FKBP15: variants seen among roughly 807,000 people sequenced by gnomAD.
The protein encoded by FKBP15 is FKBP prolyl isomerase family member 15.
FKBP15 carries 106 observed loss-of-function variants against 158.1 expected under a neutral mutation model. The observed-to-expected ratio is 0.67, with a 90% CI of 0.57 to 0.79. The LOEUF is 0.79. FKBP15 is among the 30% of genes least tolerant of loss of function. The probability of loss-of-function intolerance (pLI) is 0.00; values close to 1 mark genes in which losing one functional copy is unlikely to be tolerated. For missense variants in FKBP15, 1,287 were observed against 1,479.1 expected, an observed-to-expected ratio of 0.87 and a Z score of 2.13; for synonymous variants, 547 against 548.6, an observed-to-expected ratio of 1.00 and a Z score of 0.04.
chr9:113,198,642 C>G lies in FKBP15; in HGVS notation c.717+213G>C, dbSNP rs1830730975. Among the ~76,000 whole-genome samples, 4 of 152,146 alleles carry G rather than the reference C, an allele frequency of 2.6e-5. No homozygotes were observed. The highest frequency in any genetic ancestry group is 2.6e-4 in the Admixed American group (4 of 15,272). On this transcript the variant is annotated intron_variant, in intron 8 of 27. Coordinates refer to ENST00000238256, the MANE Select transcript of FKBP15 (RefSeq NM_015258.2). The surrounding 1 kb of genome is among the most constrained non-coding windows in gnomAD (Gnocchi z 5.2). The stretch of plus-strand genomic sequence containing the variant: ...TGGCGCATGCCTGTAATCCCAGCTA[C>G]TAGGGAGGCTGAGGCAGGAGAATCG...
intron 24 of FKBP15, 72 bp downstream of exon 24, chr9:113,171,509 C>T: frequency 6.5e-7 from 1 of 1,531,916 alleles, no homozygotes; most frequent in Non-Finnish European, 8.8e-7. Flanking sequence ...GCTATTAACA[C>T]AACATACTGG....
Position 113,169,466 on chromosome 9 carries a change from C to G in FKBP15, c.3243G>C (p.Arg1081Ser), listed in dbSNP as rs148550803. The G allele has an allele frequency of 2.8e-3, 4,454 of 1,614,068 alleles. 87 individuals are homozygous for G. Among genetic ancestry groups the G allele is most frequent in the Non-Finnish European group, 8.4e-4 (990 of 1,179,916 alleles). The change falls in exon 26 of 28, where the codon AGG (arginine) becomes AGC (serine). Residue 1081 changes from arginine (R) to serine (S), a missense_variant. Arg to Ser is a moderately radical substitution (Grantham distance 110, BLOSUM62 -1). Transcript: ENST00000238256. Reference protein sequence around the residue: ...PDNPSGKVCVREVAPDGPLQE... With the variant: ...PDNPSGKVCVSEVAPDGPLQE... ...GTAGTGGGCCATCTGGTGCTACTTC[C>G]CTGACACAGACCTTTCCTGATGGGT...
intron 1 of FKBP15, among the ~76,000 whole-genome samples, chr9:113,218,819 G>T (rs542584521): frequency 6.6e-6 from 1 of 152,082 alleles, no homozygotes; most frequent in African/African-American, 2.4e-5. Flanking sequence ...TTGAATCTAG[G>T]CTTTTTCCTA....
At chr9:113,193,909 C>T (rs1397148452) in intron 10 of FKBP15, 118 bp downstream of exon 10, 33 of 1,223,992 alleles carry the variant, frequency 2.7e-5, no homozygotes, top group Non-Finnish European at 3.3e-5. Flanking sequence ...TTCCCTGATC[C>T]CATTTTTTCC....
chr9:113,184,843 G>C lies in FKBP15; in HGVS notation c.1499-39C>G, dbSNP rs766794226. ...AGCCAAAAAGAAACTTATGAAACTG[G>C]AGCAGAGGAAACTGTATGAAGAAAA... On this transcript the variant is annotated intron_variant, in intron 15 of 27. Transcript: ENST00000238256. This position sits in a 1 kb window ranked among gnomAD's most constrained non-coding sequence, Gnocchi z 4.5. 17 of 1,485,578 alleles carry C rather than the reference G, an allele frequency of 1.1e-5. No homozygotes were observed. The East Asian group carries it at 1.7e-4, about 15-fold the overall frequency. 92.0% of individuals were successfully genotyped at this position (1,485,578 alleles called of 1,614,324 possible).
intron 21 of FKBP15, among the ~76,000 whole-genome samples, chr9:113,175,267 A>G (rs1347208963): frequency 6.6e-6 from 1 of 152,230 alleles, no homozygotes; most frequent in Admixed American, 6.5e-5. Context: ...TAAGGATTCA[A>G]TAAGTCATAG....
At chr9:113,217,102 C>T (rs541925904) in intron 1 of FKBP15, among the ~76,000 whole-genome samples, 2 of 151,468 alleles carry the variant, frequency 1.3e-5, no homozygotes, top group African/African-American at 4.8e-5. Context: ...TGGGGTTTCA[C>T]CACATTGGCC....
chr9:113,179,033 A>T (rs1045598019), intron 19 of FKBP15, among the ~76,000 whole-genome samples: 5 of 149,624 alleles, frequency 3.3e-5, no homozygotes, highest in South Asian at 2.1e-4. Flanking sequence ...GTATACTTAA[A>T]ATTTTTTTTT....
intron 1 of FKBP15, among the ~76,000 whole-genome samples, chr9:113,219,139 AAAAC>A (rs1831201339): frequency 1.3e-5 from 2 of 152,220 alleles, no homozygotes; most frequent in African/African-American, 2.4e-5. Context: ...GGAATGGGCT[AAAAC>A]AAACTAACAA....
At position 113,161,511 on chromosome 9, in the gene FKBP15, A is replaced by G; in HGVS notation, c.*4567T>C. ...CACAACTCTGCCTCCTTTGACAGGC[A>G]TGGCCCTTTCGGTGTTGGTGCTCCT... On this transcript the variant is annotated 3_prime_UTR_variant, in exon 28 of 28. Transcript: ENST00000238256. 7 of 1,613,944 alleles carry G rather than the reference A, an allele frequency of 4.3e-6. No homozygotes were observed. The highest frequency in any genetic ancestry group is 5.9e-6 in the Non-Finnish European group (7 of 1,179,868).
intron 21 of FKBP15, among the ~76,000 whole-genome samples, chr9:113,175,535 A>G (rs1427763285): frequency 6.6e-6 from 1 of 152,192 alleles, no homozygotes. Flanking sequence ...AGAACAGACA[A>G]AAAGATAGAA....
intron 24 of FKBP15, among the ~76,000 whole-genome samples, chr9:113,171,166 GC>G (rs1392724872): frequency 1.3e-5 from 2 of 152,232 alleles, no homozygotes; most frequent in Non-Finnish European, 2.9e-5. Flanking sequence ...GGTGGCTCAT[GC>G]CTGTAATCCC....
chr9:113,192,894 T>C (rs2118906697), intron 11 of FKBP15, among the ~76,000 whole-genome samples: 1 of 152,274 alleles, frequency 6.6e-6, no homozygotes, highest in South Asian at 2.1e-4. Flanking sequence ...TCTGAATAAA[T>C]AATACTTCTA....
chr9:113,217,234 A>G (rs564577294), intron 1 of FKBP15, among the ~76,000 whole-genome samples: 5 of 109,140 alleles, frequency 4.6e-5, no homozygotes, highest in Middle Eastern at 0.016. Context: ...TTTTAATGAG[A>G]CGGAGTCTTG....
At position 113,193,534 on chromosome 9, in the gene FKBP15, A is replaced by C; in HGVS notation, c.1023T>G (p.Arg341=). ...GTTCACTGAGGGAGTTAGATTTGGTACGAAGAGCTGGCTCCCTGAAAGCAA... is the reference window on the plus strand; with the variant it reads ...GTTCACTGAGGGAGTTAGATTTGGTCCGAAGAGCTGGCTCCCTGAAAGCAA... ...IPFKSGEPAL[R]TKSNSLSEQL... is the part of the protein sequence containing the mutation. Residue 341 remains arginine (R), a synonymous_variant, in exon 11 of 28, where the codon CGT becomes CGG. Transcript: ENST00000238256. The C allele has an allele frequency of 6.3e-7, 1 of 1,599,282 alleles. No homozygotes were observed. Among genetic ancestry groups the C allele is most frequent in the Non-Finnish European group, 8.5e-7 (1 of 1,172,288 alleles).
chr9:113,207,219 A>G lies in FKBP15; in HGVS notation c.247T>C (p.Tyr83His). 1.9e-6 allele frequency: 3 copies of G among 1,612,142 alleles called. No individual in the cohort carries two copies. Among genetic ancestry groups the G allele is most frequent in the Non-Finnish European group, 1.7e-6 (2 of 1,178,756 alleles). The change falls in exon 3 of 28, where the codon TAT (tyrosine) becomes CAT (histidine). Residue 83 changes from tyrosine to histidine, a missense_variant. Tyr to His is a moderately conservative substitution (Grantham distance 83). Transcript: ENST00000238256. ...TILVATAVHA[Y>H]RYTNGQYVKQ... ...TCCTTCTCAGCGACTTACTATCGAT[A>G]TGCATGGACTGCTGTTGCGACCAGT...
At chr9:113,191,155 T>C (rs541569277) in intron 11 of FKBP15, among the ~76,000 whole-genome samples, 17 of 152,080 alleles carry the variant, frequency 1.1e-4, no homozygotes, top group Non-Finnish European at 2.1e-4. Context: ...AAGGAAATGA[T>C]CATAACCTCC....
chr9:113,206,594 AAAC>A lies in FKBP15; in HGVS notation c.255-19_255-17del, dbSNP rs751798584. ...ACCATTTGTGCTATAAAAGGAAGAG[AAAC>A]AACAAGTATTAATACTTCCCTAAAT... On this transcript the variant is annotated splice_polypyrimidine_tract_variant and intron_variant, in intron 3 of 27. Coordinates refer to ENST00000238256, the MANE Select transcript of FKBP15 (RefSeq NM_015258.2). 1.2e-6 allele frequency: 2 copies of A among 1,600,242 alleles called. No individual in the cohort carries two copies. Among genetic ancestry groups the A allele is most frequent in the Non-Finnish European group, 1.7e-6 (2 of 1,171,914 alleles).
intron 12 of FKBP15, among the ~76,000 whole-genome samples, chr9:113,189,471 A>G (rs1055995226): frequency 5.9e-5 from 9 of 152,084 alleles, no homozygotes; most frequent in African/African-American, 2.2e-4. Context: ...ATAATTTTAA[A>G]TTATTCTAAA....
Sources: gnomAD v4.1 joint callset for allele counts (sites outside exome capture counted in the v4.1 genomes callset) on GRCh38, gnomAD v4.1.1 for gene constraint, Gnocchi (gnomAD v3.1) non-coding constraint, MANE v1.5 for transcripts, NCBI Gene and HGNC (gene_info 2026-07-23, HGNC 2026-07-21) for gene names.